The following RFT1 variants were observed in gnomAD, a reference collection of about 807,000 sequenced individuals.
The protein encoded by RFT1 is man(5)GlcNAc(2)-PP-dolichol translocation protein RFT1.
A neutral mutation model predicts 62.2 loss-of-function variants in RFT1; 43 were observed. The ratio of observed to expected loss-of-function variants is 0.69; its 90% CI spans 0.54 to 0.89. The LOEUF (loss-of-function observed/expected upper bound fraction) is 0.89, where lower values mean the gene tolerates loss of function less well. Among genes scored for constraint, RFT1 ranks in the 40% least tolerant of loss-of-function variants. RFT1 has a pLI of 0.00. For synonymous variants in RFT1, 262 were observed against 264.6 expected (o/e 0.99, Z 0.10); for missense variants, 605 against 649.9 (o/e 0.93, Z 0.75).
chr3:53,067,360 C>A, the RFT1 span, among the ~76,000 whole-genome samples: 1 of 151,936 alleles, frequency 6.6e-6, no homozygotes, highest in East Asian at 1.9e-4. Flanking sequence ...AAAAAATATA[C>A]AAAAATAAAA....
At chr3:53,124,494 A>C (rs1702056320) in intron 2 of RFT1, among the ~76,000 whole-genome samples, 2 of 152,202 alleles carry the variant, frequency 1.3e-5, no homozygotes, top group African/African-American at 4.8e-5. Context: ...CCTGCTACCC[A>C]GTGCCTCTGT....
At chr3:53,082,288 C>T in the RFT1 span, among the ~76,000 whole-genome samples, 1 of 151,998 alleles carries the variant, frequency 6.6e-6, no homozygotes, top group African/African-American at 2.4e-5. Flanking sequence ...ACCAGCCTGA[C>T]CACATGCAAA....
chr3:53,098,579 A>G (rs568582349), intron 11 of RFT1, among the ~76,000 whole-genome samples: 68 of 152,130 alleles, frequency 4.5e-4, no homozygotes, highest in South Asian at 1.9e-3. Flanking sequence ...AAGGCGGGAG[A>G]ATCACAAGGT....
chr3:53,108,081 T>C (rs913607506), intron 7 of RFT1, among the ~76,000 whole-genome samples: 4 of 152,186 alleles, frequency 2.6e-5, no homozygotes, highest in Admixed American at 1.3e-4. Context: ...CAGAGTCTTA[T>C]TCTGTCGCCC....
chr3:53,112,050 A>G, intron 6 of RFT1, 142 bp from the exon 7 acceptor site: 1 of 724,240 alleles, frequency 1.4e-6, no homozygotes, highest in East Asian at 2.6e-5. Flanking sequence ...AATGCTAAGC[A>G]CACAGAAGGC....
chr3:53,118,840 C>T (rs1382706981), intron 6 of RFT1, among the ~76,000 whole-genome samples: 1 of 152,092 alleles, frequency 6.6e-6, no homozygotes, highest in Non-Finnish European at 1.5e-5. Flanking sequence ...AGATTATGCG[C>T]CACTCCACAC....
chr3:53,126,332 G>T (rs1702110160), intron 1 of RFT1, among the ~76,000 whole-genome samples: 2 of 152,148 alleles, frequency 1.3e-5, no homozygotes, highest in Non-Finnish European at 2.9e-5. Flanking sequence ...CTAGTTAGTG[G>T]TTCACCTTGC....
At chr3:53,092,722 T>C in intron 11 of RFT1, 104 bp from the exon 12 acceptor site, 1 of 1,364,032 alleles carries the variant, frequency 7.3e-7, no homozygotes, top group South Asian at 1.3e-5. Context: ...GAACCTGAGC[T>C]CCTGGAATCC....
chr3:53,083,621 G>A (rs956935788), downstream of RFT1, among the ~76,000 whole-genome samples: 6 of 152,204 alleles, frequency 3.9e-5, no homozygotes, highest in Non-Finnish European at 5.9e-5. Context: ...AGGGCCCGGC[G>A]CTTGGCCCTG....
chr3:53,095,709 C>T (rs1701120012), intron 11 of RFT1, among the ~76,000 whole-genome samples: 1 of 125,180 alleles, frequency 8.0e-6, no homozygotes. Flanking sequence ...GAGTGAGACC[C>T]TGTCTCAAAA....
intron 6 of RFT1, among the ~76,000 whole-genome samples, chr3:53,113,939 CA>C (rs1701720888): frequency 6.6e-6 from 1 of 152,174 alleles, no homozygotes; most frequent in African/African-American, 2.4e-5. Flanking sequence ...TGAATCCTCC[CA>C]AACAGTGCAG....
At chr3:53,092,760 G>A (rs1428699678) in intron 11 of RFT1, 142 bp from the exon 12 acceptor site, 7 of 929,048 alleles carry the variant, frequency 7.5e-6, no homozygotes, top group Non-Finnish European at 1.1e-5. Flanking sequence ...AATGCTACCT[G>A]GAGACCATGG....
intron 10 of RFT1, among the ~76,000 whole-genome samples, chr3:53,101,345 G>C (rs904377006): frequency 6.6e-6 from 1 of 152,122 alleles, no homozygotes; most frequent in Non-Finnish European, 1.5e-5. Context: ...TGTGCCTCCT[G>C]CTTCTCCCCA....
chr3:53,098,789 G>A (rs756490671), intron 11 of RFT1, among the ~76,000 whole-genome samples: 24 of 109,618 alleles, frequency 2.2e-4, no homozygotes, highest in East Asian at 3.1e-4. Context: ...GCGACAGAGC[G>A]AGACTCCATC....
In RFT1 at chr3:53,091,757, G is replaced by T. The variant is rs72965388; in HGVS notation, c.*146C>A. 1 of 825,940 alleles carries T rather than the reference G, an allele frequency of 1.2e-6. No individual in the cohort carries two copies. Among genetic ancestry groups the T allele is most frequent in the Non-Finnish European group, 2.1e-6 (1 of 487,416 alleles). The allele number at this position is 825,940 out of a possible 1,614,324, so 51.2% of individuals were successfully genotyped here. On this transcript the variant is annotated 3_prime_UTR_variant, in exon 13 of 13. Coordinates refer to ENST00000296292, the MANE Select transcript of RFT1 (RefSeq NM_052859.4). Reference sequence around the variant, plus strand: ...CTTCGAATGGTCACAGGTGTCTCATGCAGTGGCACTCTCTGGTGCCTCATC... The same window carrying T: ...CTTCGAATGGTCACAGGTGTCTCATTCAGTGGCACTCTCTGGTGCCTCATC...
chr3:53,104,031 T>A lies in RFT1; in HGVS notation c.1024A>T (p.Thr342Ser). The change falls in exon 10 of 13, where the codon ACC (threonine) becomes TCC (serine). Residue 342 changes from threonine to serine, a missense_variant. Thr to Ser is a moderately conservative substitution (Grantham distance 58). Transcript: ENST00000296292. ...LLKLALLAGL[T>S]ITVFGFAYSQ... ...TAGGCAAAGCCAAAAACAGTGATGG[T>A]CAGGCCGGCCAGCAGGGCCAGCTTG... 6.2e-7 allele frequency: 1 copy of A among 1,614,146 alleles called. No individual in the cohort carries two copies. The highest frequency in any genetic ancestry group is 1.7e-5 in the Admixed American group (1 of 60,020).
chr3:53,101,388 G>A (rs1158405358), intron 10 of RFT1, among the ~76,000 whole-genome samples: 1 of 152,156 alleles, frequency 6.6e-6, no homozygotes, highest in Admixed American at 6.5e-5. Context: ...AGAGAAGAGT[G>A]GGGGGCCTCC....
intron 3 of RFT1, among the ~76,000 whole-genome samples, chr3:53,123,499 C>T (rs1356874600): frequency 2.0e-5 from 3 of 152,190 alleles, no homozygotes; most frequent in East Asian, 3.8e-4. Context: ...CCAGAAACCC[C>T]AACCCAGAAC....
the RFT1 span, among the ~76,000 whole-genome samples, chr3:53,080,251 G>A: frequency 7.2e-5 from 11 of 152,212 alleles, no homozygotes; most frequent in Admixed American, 7.2e-4. Flanking sequence ...GGGGAGGTGT[G>A]CGGAATGTGT....
Sources: allele counts gnomAD v4.1 joint callset (sites outside exome capture counted in the v4.1 genomes callset), GRCh38; gene constraint gnomAD v4.1.1; transcripts MANE v1.5; gene names NCBI Gene and HGNC (gene_info 2026-07-23, HGNC 2026-07-21).